Variants in TRIM25 observed in about 807,000 individuals in gnomAD.
TRIM25 encodes E3 ubiquitin/ISG15 ligase TRIM25.
A neutral mutation model predicts 65.2 loss-of-function variants in TRIM25; 45 were observed. The observed-to-expected ratio is 0.69, with a 90% CI of 0.54 to 0.89. TRIM25 has a LOEUF of 0.89. Among genes scored for constraint, TRIM25 ranks in the 40% least tolerant of loss-of-function variants. The pLI, the probability that TRIM25 is intolerant of heterozygous loss-of-function variation, is 0.00. For synonymous variants in TRIM25, 321 were observed against 340.4 expected (o/e 0.94, Z 0.63); for missense variants, 714 against 803.7 (o/e 0.89, Z 1.35).
chr17:56,899,617 C>A (rs1412945861), intron 4 of TRIM25, among the ~76,000 whole-genome samples: 1 of 152,224 alleles, frequency 6.6e-6, no homozygotes, highest in African/African-American at 2.4e-5. Flanking sequence ...TATAGCTTTG[C>A]CCCCACGCAG....
At chr17:56,893,942 G>A (rs1292262273) in intron 8 of TRIM25, among the ~76,000 whole-genome samples, 1 of 152,146 alleles carries the variant, frequency 6.6e-6, no homozygotes, top group Non-Finnish European at 1.5e-5. Flanking sequence ...AGTGGCACGA[G>A]GATTAGACTT....
Position 56,893,401 on chromosome 17 carries a change from G to A in TRIM25, c.1364-1172C>T, listed in dbSNP as rs116036015. ...CTCCTGAAAGACGTGGCTCAGCACC[G>A]CCGCTAGCAGCTTGGGCAAGAGTTA... On this transcript the variant is annotated intron_variant, in intron 8 of 8. Transcript: ENST00000316881. Among the ~76,000 whole-genome samples the A allele has an allele frequency of 6.3e-3, 952 of 152,262 alleles. 9 individuals carry two copies. Among genetic ancestry groups the A allele is most frequent in the African/African-American group, 0.021 (887 of 41,544 alleles).
chr17:56,894,323 A>T (rs1318638697), intron 8 of TRIM25, among the ~76,000 whole-genome samples: 1 of 152,208 alleles, frequency 6.6e-6, no homozygotes, highest in Admixed American at 6.5e-5. Flanking sequence ...ATCTCGGCTC[A>T]CTGCAACCTC....
chr17:56,897,174 G>T (rs1023273362), intron 5 of TRIM25, among the ~76,000 whole-genome samples: 23 of 152,322 alleles, frequency 1.5e-4, no homozygotes, highest in African/African-American at 5.5e-4. Context: ...CATAAAGGCT[G>T]GGGGTGAGAC....
At chr17:56,892,507 A>T (rs954771688) in intron 8 of TRIM25, among the ~76,000 whole-genome samples, 33 of 152,052 alleles carry the variant, frequency 2.2e-4, no homozygotes, top group African/African-American at 8.0e-4. Context: ...CCATTCTTCC[A>T]TTCATCCATC....
intron 4 of TRIM25, 94 bp downstream of exon 4, chr17:56,901,325 G>A: frequency 1.4e-6 from 2 of 1,416,682 alleles, no homozygotes; most frequent in South Asian, 2.7e-5. Flanking sequence ...CCAGTGCTCG[G>A]GATCACGCCC....
intron 3 of TRIM25, among the ~76,000 whole-genome samples, chr17:56,903,190 C>T (rs956060253): frequency 6.6e-6 from 1 of 152,192 alleles, no homozygotes; most frequent in Non-Finnish European, 1.5e-5. Flanking sequence ...CACCTGAGGT[C>T]AGGAGTTCGA....
intron 2 of TRIM25, among the ~76,000 whole-genome samples, chr17:56,905,155 AG>A (rs1327637911): frequency 6.6e-6 from 1 of 152,138 alleles, no homozygotes; most frequent in Non-Finnish European, 1.5e-5. Context: ...AAAGTCAGCA[AG>A]AGATCAAGAC....
chr17:56,906,154 T>C lies in TRIM25; in HGVS notation c.694-1666A>G, dbSNP rs533929175. Among the ~76,000 whole-genome samples, 146 of 152,360 alleles carry C rather than the reference T, an allele frequency of 9.6e-4. 1 individual carries two copies. The highest frequency in any genetic ancestry group is 4.7e-4 in the Non-Finnish European group (32 of 68,040). ...CTCCAAAGCTCATGCTGAGATTTAA[T>C]TGCCACTGAGGTGATTAGATCACGA... On this transcript the variant is annotated intron_variant, in intron 2 of 8. Transcript: ENST00000316881.
At chr17:56,905,020 G>A (rs1909492313) in intron 2 of TRIM25, among the ~76,000 whole-genome samples, 1 of 152,194 alleles carries the variant, frequency 6.6e-6, no homozygotes, top group African/African-American at 2.4e-5. Flanking sequence ...AATAAATTCA[G>A]GAGAGTGGTT....
chr17:56,911,868 G>T (rs1909636433), intron 1 of TRIM25, among the ~76,000 whole-genome samples: 1 of 151,506 alleles, frequency 6.6e-6, no homozygotes, highest in Admixed American at 6.6e-5. Flanking sequence ...CTCCAGCCTG[G>T]GTGACAGAGT....
chr17:56,912,668 T>TG (rs1909653007), intron 1 of TRIM25: 1 of 152,248 alleles, frequency 6.6e-6, no homozygotes, highest in African/African-American at 2.4e-5. Flanking sequence ...TCACAATGCC[T>TG]GCGTGGCTAT....
intron 5 of TRIM25, among the ~76,000 whole-genome samples, chr17:56,898,433 A>G (rs1298673809): frequency 1.3e-5 from 2 of 152,106 alleles, no homozygotes. Flanking sequence ...CGATATCACT[A>G]TTGTCCACAT....
intron 1 of TRIM25, among the ~76,000 whole-genome samples, chr17:56,909,106 C>T (rs576761840): frequency 4.6e-5 from 7 of 152,174 alleles, no homozygotes; most frequent in African/African-American, 1.7e-4. Context: ...TCAGACCAAT[C>T]CTCCCACTGC....
chr17:56,889,065 A>C lies in TRIM25; in HGVS notation c.*2635T>G, dbSNP rs909774509. On this transcript the variant is annotated 3_prime_UTR_variant, in exon 9 of 9. Coordinates refer to ENST00000316881, the MANE Select transcript of TRIM25 (RefSeq NM_005082.5). ...AATAACAGCTCAAATACTCCTAACT[A>C]ATTAAAATCAATAGTGAGAGGCAGA... is the stretch of plus-strand genomic sequence containing the variant. 4 of 152,208 alleles carry C rather than the reference A, an allele frequency of 2.6e-5. No individual in the cohort carries two copies. The highest frequency in any genetic ancestry group is 2.6e-4 in the Admixed American group (4 of 15,280). The allele number at this position is 152,208 out of a possible 1,614,324, so 9.4% of individuals were successfully genotyped here. A position where few individuals can be genotyped will look rare whatever the true frequency, so the allele number is the denominator to read the frequency against.
In TRIM25 at chr17:56,901,430, G is replaced by T. The variant is rs754914789; in HGVS notation, c.1076C>A (p.Thr359Asn). The change falls in exon 4 of 9, where the codon ACC (threonine) becomes AAC (asparagine). Residue 359 changes from threonine to asparagine, a missense_variant. Around this residue, in one of 3 missense-constraint regions of TRIM25, gnomAD observed 413 missense variants for 498.2 expected, o/e 0.83. Coordinates refer to ENST00000316881, the MANE Select transcript of TRIM25 (RefSeq NM_005082.5). The stretch of plus-strand genomic sequence containing the variant: ...GCTGCTAAGGTCACCTGAACTGGGG[G>T]TGGGCTCCTGGAGCCGCCCGATGCA... Reference protein sequence around the residue: ...KQCIGRLQEPTPSSGDPGEHD... With the variant: ...KQCIGRLQEPNPSSGDPGEHD... 5.0e-6 allele frequency: 8 copies of T among 1,613,728 alleles called. No homozygotes were observed. The highest frequency in any genetic ancestry group is 1.7e-4 in the Middle Eastern group (1 of 5,932).
chr17:56,897,990 G>A (rs898726615), intron 5 of TRIM25, among the ~76,000 whole-genome samples: 3 of 152,210 alleles, frequency 2.0e-5, no homozygotes, highest in Non-Finnish European at 4.4e-5. Context: ...CTAAGCACAA[G>A]CAACAACAAC....
chr17:56,911,093 C>T (rs1909617929), intron 1 of TRIM25, among the ~76,000 whole-genome samples: 1 of 151,390 alleles, frequency 6.6e-6, no homozygotes, highest in South Asian at 2.1e-4. Flanking sequence ...AGTGAGATCC[C>T]GTCTCTACAA....
chr17:56,904,013 C>G (rs558582215), intron 3 of TRIM25, among the ~76,000 whole-genome samples: 1 of 152,184 alleles, frequency 6.6e-6, no homozygotes, highest in Admixed American at 6.5e-5. Context: ...TGCAGGCCAC[C>G]CATAAAGCCA....
Sources: gnomAD v4.1 joint callset for allele counts (sites outside exome capture counted in the v4.1 genomes callset) on GRCh38, gnomAD v4.1.1 for gene constraint, gnomAD v4.1.1 regional missense constraint, MANE v1.5 for transcripts, NCBI Gene and HGNC (gene_info 2026-07-23, HGNC 2026-07-21) for gene names.